The following AK9 variants were observed in gnomAD, a reference collection of about 807,000 sequenced individuals.
AK9 encodes the protein adenylate kinase 9.
A neutral mutation model predicts 239.6 loss-of-function variants in AK9; 191 were observed. The ratio of observed to expected loss-of-function variants is 0.80; its 90% CI spans 0.71 to 0.90. AK9 has a LOEUF of 0.90. Ranked by LOEUF, AK9 falls within the 40% of genes least tolerant of loss-of-function variation. AK9 has a pLI of 0.00. For synonymous variants in AK9, 689 were observed against 721.0 expected (o/e 0.96, Z 0.71); for missense variants, 1,995 against 2,214.7 (o/e 0.90, Z 1.99).
At chr6:109,542,250 G>A in intron 26 of AK9, 79 bp from the exon 27 acceptor site, 1 of 1,358,750 alleles carries the variant, frequency 7.4e-7, no homozygotes, top group Non-Finnish European at 9.9e-7. Flanking sequence ...ATATGTGAAA[G>A]TTAAAGAGGA....
Position 109,633,290 on chromosome 6 carries a change from G to A in AK9, c.967C>T (p.Leu323Phe). The A allele has an allele frequency of 6.2e-7, 1 of 1,606,900 alleles. No homozygotes were observed. The highest frequency in any genetic ancestry group is 8.5e-7 in the Non-Finnish European group (1 of 1,178,734). The change falls in exon 11 of 41, where the codon CTT (leucine) becomes TTT (phenylalanine). Residue 323 changes from leucine to phenylalanine, a missense_variant. This residue lies in a region of AK9 where 1,290 missense variants were observed against 1,392.7 expected (regional missense o/e 0.93). Transcript: ENST00000424296. Reference protein sequence around the residue: ...ELFRTLASYKLIAPRYRWQRS... With the variant: ...ELFRTLASYKFIAPRYRWQRS... ...TGCCATCTGTATCTTGGTGCAATAA[G>A]TTTATAAGATGCAAGAGTACGAAAT...
chr6:109,538,298 G>A (rs1470468028), intron 27 of AK9, among the ~76,000 whole-genome samples: 1 of 152,152 alleles, frequency 6.6e-6, no homozygotes, highest in Non-Finnish European at 1.5e-5. Flanking sequence ...CCTGTATTGG[G>A]TGCATATATA....
At chr6:109,519,331 C>T (rs981681382) in intron 29 of AK9, among the ~76,000 whole-genome samples, 4 of 151,860 alleles carry the variant, frequency 2.6e-5, no homozygotes, top group Admixed American at 6.6e-5. Context: ...GTATATATAC[C>T]CAGTAATGGG....
chr6:109,522,021 C>G lies in AK9; in HGVS notation c.3634-5379G>C, dbSNP rs528884633. 4.2e-5 allele frequency among the ~76,000 whole-genome samples: 4 copies of G among 94,540 alleles called. No individual in the cohort carries two copies. The East Asian group carries it at 2.8e-3, about 66-fold the overall frequency. 62.0% of individuals were successfully genotyped at this position (94,540 alleles called of 152,430 possible). On this transcript the variant is annotated intron_variant, in intron 29 of 40. Transcript: ENST00000424296. The stretch of plus-strand genomic sequence containing the variant: ...TAAGTATCTGAAAATTTTTCCATTT[C>G]ATTTCTCTCATTATAAACAGTTTGG...
rs772761292 is a variant in AK9, at chr6:109,506,573, G to A, written c.4629-26C>T. The A allele has an allele frequency of 3.2e-6, 5 of 1,549,466 alleles. No homozygotes were observed. The South Asian group carries it at 5.8e-5, about 18-fold the overall frequency. ...CTAATAGGGAAACAGAGAAGGAATG[G>A]AAAAAGCTGTTAAAAACATATCTTT... On this transcript the variant is annotated intron_variant, in intron 34 of 40. Coordinates refer to ENST00000424296, the MANE Select transcript of AK9 (RefSeq NM_001145128.3).
At chr6:109,497,356 A>ACTCTCTCT (rs1439292179) in intron 38 of AK9, 109 bp downstream of exon 38, 200 of 580,844 alleles carry the variant, frequency 3.4e-4, no homozygotes, top group South Asian at 1.9e-3. Context: ...ACACACACAC[A>ACTCTCTCT]CACACACTCT....
At chr6:109,682,172 T>A (rs1772744286) in intron 1 of AK9, among the ~76,000 whole-genome samples, 1 of 152,138 alleles carries the variant, frequency 6.6e-6, no homozygotes, top group African/African-American at 2.4e-5. Context: ...ATGCCTGTAA[T>A]CCCAGCACTT....
intron 18 of AK9, among the ~76,000 whole-genome samples, chr6:109,585,527 C>G (rs2128212228): frequency 6.6e-6 from 1 of 152,218 alleles, no homozygotes; most frequent in Non-Finnish European, 1.5e-5. Flanking sequence ...AAGAGGCAAA[C>G]AGAATAATTA....
chr6:109,689,369 C>T (rs1372127775), intron 1 of AK9, among the ~76,000 whole-genome samples: 4 of 152,180 alleles, frequency 2.6e-5, no homozygotes, highest in Non-Finnish European at 5.9e-5. Flanking sequence ...CTTTTCTATG[C>T]ACGACCAGCC....
intron 26 of AK9, among the ~76,000 whole-genome samples, chr6:109,543,684 G>T (rs1783173720): frequency 6.6e-6 from 1 of 152,110 alleles, no homozygotes; most frequent in Non-Finnish European, 1.5e-5. Context: ...CTGACCTCAA[G>T]TGATCTGCCT....
At position 109,495,362 on chromosome 6, in the gene AK9, A is replaced by G. The variant is rs1562312139; in HGVS notation, c.5394T>C (p.Leu1798=). The change falls in exon 39 of 41, where the codon CTT becomes CTC. Residue 1798 remains leucine (L), a synonymous_variant. Coordinates refer to ENST00000424296, the MANE Select transcript of AK9 (RefSeq NM_001145128.3). ...PLREPILLTS[L]PLPGYLEQGI... The stretch of plus-strand genomic sequence containing the variant: ...CCTGTTCCAGATATCCAGGCAAAGG[A>G]AGACTAGTAAGAAGTATCGGTTCCC... 6.2e-7 allele frequency: 1 copy of G among 1,613,726 alleles called. No homozygotes were observed. Among genetic ancestry groups the G allele is most frequent in the Non-Finnish European group, 8.5e-7 (1 of 1,179,766 alleles).
intron 39 of AK9, 85 bp from the exon 40 acceptor site, chr6:109,494,180 A>G (rs1270790573): frequency 2.1e-6 from 2 of 935,682 alleles, no homozygotes; most frequent in Non-Finnish European, 3.3e-6. Context: ...GGCAAATATT[A>G]TTTCTTTGCC....
chr6:109,585,772 T>C, intron 18 of AK9, 144 bp downstream of exon 18: 1 of 732,668 alleles, frequency 1.4e-6, no homozygotes, highest in Non-Finnish European at 2.1e-6. Flanking sequence ...GGAAGCCTCA[T>C]TTTGTGTACC....
At chr6:109,611,016 T>C (rs1018667446) in intron 16 of AK9, among the ~76,000 whole-genome samples, 5 of 152,158 alleles carry the variant, frequency 3.3e-5, no homozygotes, top group African/African-American at 1.2e-4. Flanking sequence ...GTGAAGTGTG[T>C]CCTTGCATGG....
intron 17 of AK9, among the ~76,000 whole-genome samples, chr6:109,598,690 A>T (rs1333229694): frequency 6.6e-6 from 1 of 152,208 alleles, no homozygotes; most frequent in Admixed American, 6.5e-5. Flanking sequence ...AGTCCCACCA[A>T]CAGTGTAAAA....
chr6:109,608,327 C>G (rs1482468973), intron 17 of AK9, among the ~76,000 whole-genome samples: 1 of 148,440 alleles, frequency 6.7e-6, no homozygotes, highest in Non-Finnish European at 1.5e-5. Flanking sequence ...GTGGCTCTGG[C>G]ACAGACAAAC....
intron 17 of AK9, among the ~76,000 whole-genome samples, chr6:109,601,835 G>A (rs1038360763): frequency 1.4e-3 from 1 of 710 alleles, no homozygotes; most frequent in Non-Finnish European, 2.1e-3. Context: ...ATTATGCAAT[G>A]ACCTTGTCTC....
At chr6:109,667,238 A>G (rs1311128761) in intron 5 of AK9, among the ~76,000 whole-genome samples, 1 of 151,884 alleles carries the variant, frequency 6.6e-6, no homozygotes, top group South Asian at 2.1e-4. Context: ...GGAAGTGCAC[A>G]TATCTCTTCA....
intron 8 of AK9, among the ~76,000 whole-genome samples, chr6:109,655,961 TC>T (rs1799647381): frequency 1.3e-5 from 2 of 152,182 alleles, no homozygotes; most frequent in African/African-American, 4.8e-5. Flanking sequence ...ATGAAAATGA[TC>T]CACTCATTTA....
Sources: allele counts gnomAD v4.1 joint callset (sites outside exome capture counted in the v4.1 genomes callset), GRCh38; gene constraint gnomAD v4.1.1; regional missense constraint gnomAD v4.1.1; transcripts MANE v1.5; gene names NCBI Gene and HGNC (gene_info 2026-07-23, HGNC 2026-07-21).